Variants in CCN2 observed in about 807,000 individuals in gnomAD.
CCN2 encodes cellular communication network factor 2.
A neutral mutation model predicts 33.2 loss-of-function variants in CCN2; 22 were observed. The observed-to-expected ratio is 0.66, with a 90% CI of 0.47 to 0.95. The LOEUF (loss-of-function observed/expected upper bound fraction) is 0.95, where lower values mean the gene tolerates loss of function less well. Among genes scored for constraint, CCN2 ranks in the 40% least tolerant of loss-of-function variants. CCN2 has a pLI of 0.00. For synonymous variants in CCN2, 178 were observed against 200.6 expected, an observed-to-expected ratio of 0.89 and a Z score of 0.95; for missense variants, 469 against 498.8, an observed-to-expected ratio of 0.94 and a Z score of 0.57.
In CCN2 at chr6:131,950,149, C is replaced by G; in HGVS notation, c.553G>C (p.Glu185Gln). 7 of 1,614,242 alleles carry G rather than the reference C, an allele frequency of 4.3e-6. No individual in the cohort carries two copies. Among genetic ancestry groups the G allele is most frequent in the Non-Finnish European group, 5.1e-6 (6 of 1,180,046 alleles). The change falls in exon 4 of 5, where the codon GAA (glutamate) becomes CAA (glutamine). Residue 185 changes from glutamate to glutamine, a missense_variant. By Grantham distance (29) the Glu-to-Gln change is conservative. Coordinates refer to ENST00000367976, the MANE Select transcript of CCN2 (RefSeq NM_001901.4). The surrounding 1 kb of genome is among the most constrained non-coding windows in gnomAD (Gnocchi z 7.1). ...VGPALAAYRL[E>Q]DTFGPDPTMI... ...GTTGGGTCTGGGCCAAACGTGTCTT[C>G]CAGTCGGTAAGCTGCGAGAGCAGAG...
intron 1 of CCN2, 40 bp downstream of exon 1, chr6:131,951,067 C>G: frequency 1.6e-6 from 2 of 1,288,418 alleles, no homozygotes; most frequent in Non-Finnish European, 2.0e-6. Context: ...GAGTCCCTCC[C>G]TGGCAGCCGC....
Position 131,950,854 on chromosome 6 carries a change from T to C in CCN2, c.205A>G (p.Thr69Ala), listed in dbSNP as rs1783097596. Reference protein sequence around the residue: ...VCAKQLGELCTERDPCDPHKG... With the variant: ...VCAKQLGELCAERDPCDPHKG... ...TGCGGGTCGCATGGGTCGCGCTCGGTGCACAGCTCGCCCAGCTGCTTGGCG... is the reference window on the plus strand; with the variant it reads ...TGCGGGTCGCATGGGTCGCGCTCGGCGCACAGCTCGCCCAGCTGCTTGGCG... The change falls in exon 2 of 5, where the codon ACC becomes GCC. Residue 69 changes from threonine (T) to alanine (A), a missense_variant. By Grantham distance (58) the Thr-to-Ala change is moderately conservative. Coordinates refer to ENST00000367976, the MANE Select transcript of CCN2 (RefSeq NM_001901.4). The surrounding 1 kb of genome is among the most constrained non-coding windows in gnomAD (Gnocchi z 7.1). 6.5e-7 allele frequency: 1 copy of C among 1,535,112 alleles called. No homozygotes were observed. The highest frequency in any genetic ancestry group is 8.7e-7 in the Non-Finnish European group (1 of 1,147,572).
rs1783105724 is a variant in CCN2 at position 131,951,190 on chromosome 6, G to A, written c.-18C>T. 7.7e-7 allele frequency: 1 copy of A among 1,304,660 alleles called. No individual in the cohort carries two copies. The highest frequency in any genetic ancestry group is 3.4e-5 in the Admixed American group (1 of 29,252). 80.8% of individuals were successfully genotyped at this position (1,304,660 alleles called of 1,614,324 possible). A position where few individuals can be genotyped will look rare whatever the true frequency, so the allele number is the denominator to read the frequency against. On this transcript the variant is annotated 5_prime_UTR_variant, in exon 1 of 5. Coordinates refer to ENST00000367976, the MANE Select transcript of CCN2 (RefSeq NM_001901.4). Reference sequence around the variant, plus strand: ...GCGGTCATGGTTGGCACTGCGGGCGGAGCGGAGGGCGCGGTGGCGGCGAGC... The same window carrying A: ...GCGGTCATGGTTGGCACTGCGGGCGAAGCGGAGGGCGCGGTGGCGGCGAGC...
chr6:131,948,684 A>T lies in CCN2; in HGVS notation c.*580T>A, dbSNP rs1250599027. On this transcript the variant is annotated 3_prime_UTR_variant, in exon 5 of 5. Coordinates refer to ENST00000367976, the MANE Select transcript of CCN2 (RefSeq NM_001901.4). Reference sequence around the variant, plus strand: ...ACACAATATTTACAATATAAATTTTAAAAAATCTGGCTTGTTACAGGCAAA... The same window carrying T: ...ACACAATATTTACAATATAAATTTTTAAAAATCTGGCTTGTTACAGGCAAA... 2 of 157,408 alleles carry T rather than the reference A, an allele frequency of 1.3e-5. No homozygotes were observed. Among genetic ancestry groups the T allele is most frequent in the Admixed American group, 6.0e-5 (1 of 16,626 alleles). 9.8% of individuals were successfully genotyped at this position (157,408 alleles called of 1,614,324 possible). A position where few individuals can be genotyped will look rare whatever the true frequency, so the allele number is the denominator to read the frequency against.
chr6:131,949,897 C>G, intron 4 of CCN2, 52 bp downstream of exon 4: 2 of 1,568,444 alleles, frequency 1.3e-6, no homozygotes, highest in South Asian at 1.1e-5. Flanking sequence ...TAAGTTGGGT[C>G]CTATCCACTG....
At chr6:131,949,903 C>T (rs776817797) in intron 4 of CCN2, 46 bp downstream of exon 4, 2 of 1,580,870 alleles carry the variant, frequency 1.3e-6, no homozygotes, top group Non-Finnish European at 1.7e-6. Context: ...GGGTCCTATC[C>T]ACTGTTTTTC....
In CCN2 at chr6:131,951,193, C is replaced by A; in HGVS notation, c.-21G>T. On this transcript the variant is annotated 5_prime_UTR_variant, in exon 1 of 5. Transcript: ENST00000367976. Reference sequence around the variant, plus strand: ...GTCATGGTTGGCACTGCGGGCGGAGCGGAGGGCGCGGTGGCGGCGAGCGGG... The same window carrying A: ...GTCATGGTTGGCACTGCGGGCGGAGAGGAGGGCGCGGTGGCGGCGAGCGGG... The A allele has an allele frequency of 1.5e-6, 2 of 1,295,996 alleles. No homozygotes were observed. Among genetic ancestry groups the A allele is most frequent in the African/African-American group, 1.5e-5 (1 of 65,324 alleles). The allele number at this position is 1,295,996 out of a possible 1,614,324, so 80.3% of individuals were successfully genotyped here.
chr6:131,950,626 G>A lies in CCN2; in HGVS notation c.290-83C>T. ...CTCTCACATCCAGAGCGTCAGGGAT[G>A]CGAGTTGGGATCTGGGCTGCAGGGG... is the stretch of plus-strand genomic sequence containing the variant. On this transcript the variant is annotated intron_variant, in intron 2 of 4. Transcript: ENST00000367976. This position sits in a 1 kb window ranked among gnomAD's most constrained non-coding sequence, Gnocchi z 7.1. 1.9e-6 allele frequency: 3 copies of A among 1,562,862 alleles called. No individual in the cohort carries two copies. The East Asian group carries it at 6.8e-5, about 35-fold the overall frequency.
rs1783104421 is a variant in CCN2 at position 131,951,125 on chromosome 6, G to A, written c.48C>T (p.Leu16=). 2.2e-6 allele frequency: 3 copies of A among 1,346,078 alleles called. No individual in the cohort carries two copies. Among genetic ancestry groups the A allele is most frequent in the Non-Finnish European group, 2.9e-6 (3 of 1,046,498 alleles). The allele number at this position is 1,346,078 out of a possible 1,614,324, so 83.4% of individuals were successfully genotyped here. The change falls in exon 1 of 5, where the codon CTC becomes CTT. Residue 16 remains leucine (L), a synonymous_variant. Coordinates refer to ENST00000367976, the MANE Select transcript of CCN2 (RefSeq NM_001901.4). ...CGCTTACCCGGCTGCAGAGGGCGAG[G>A]AGGACCACGAAGGCGACGCGGACGG... ...MGPVRVAFVV[L]LALCSRPAVG...
Position 131,951,273 on chromosome 6 carries a change from C to A in CCN2, c.-101G>T, listed in dbSNP as rs1341212703. 5 of 1,059,642 alleles carry A rather than the reference C, an allele frequency of 4.7e-6. No homozygotes were observed. Among genetic ancestry groups the A allele is most frequent in the Admixed American group, 4.4e-5 (1 of 22,658 alleles). 65.6% of individuals were successfully genotyped at this position (1,059,642 alleles called of 1,614,324 possible). A position where few individuals can be genotyped will look rare whatever the true frequency, so the allele number is the denominator to read the frequency against. On this transcript the variant is annotated 5_prime_UTR_variant, in exon 1 of 5. Transcript: ENST00000367976. ...GTCGGAGGTGGGGACCGGGACGCGC[C>A]GGGCTGTCGTCTCGGGGCTGTCGGC... is the stretch of plus-strand genomic sequence containing the variant.
At position 131,949,954 on chromosome 6, in the gene CCN2, T is replaced by C; in HGVS notation, c.748A>G (p.Ile250Val). ...AATAGGAGCAGAACATGTACCTTAA[T>C]GTTCTCTTCCAGGTCAGCTTCGCAA... Reference protein sequence around the residue: ...RPCEADLEENIKKGKKCIRTP... With the variant: ...RPCEADLEENVKKGKKCIRTP... Residue 250 changes from isoleucine (I) to valine (V), a missense_variant, in exon 4 of 5, where the codon ATT (isoleucine) becomes GTT (valine). By Grantham distance (29) the Ile-to-Val change is conservative (BLOSUM62 3). Transcript: ENST00000367976. The C allele has an allele frequency of 1.2e-6, 2 of 1,614,088 alleles. No homozygotes were observed. Among genetic ancestry groups the C allele is most frequent in the South Asian group, 1.1e-5 (1 of 91,076 alleles).
At chr6:131,949,916 G>A in intron 4 of CCN2, 33 bp downstream of exon 4, 1 of 1,602,878 alleles carries the variant, frequency 6.2e-7, no homozygotes, top group Non-Finnish European at 8.5e-7. Context: ...TGTTTTTCCT[G>A]TGAAAAATAG....
intron 1 of CCN2, 25 bp from the exon 2 acceptor site, chr6:131,951,017 C>A (rs1020802955): frequency 5.5e-6 from 7 of 1,263,120 alleles, no homozygotes; most frequent in Non-Finnish European, 6.9e-6. Flanking sequence ...GGGCGGTCAG[C>A]GGCGCTCGGT....
rs1009171575 is a variant in CCN2, at chr6:131,948,614, C to T, written c.*650G>A. The T allele has an allele frequency of 1.3e-5, 2 of 151,826 alleles. No individual in the cohort carries two copies. The highest frequency in any genetic ancestry group is 2.9e-5 in the Non-Finnish European group (2 of 67,932). 9.4% of individuals were successfully genotyped at this position (151,826 alleles called of 1,614,324 possible). A position where few individuals can be genotyped will look rare whatever the true frequency, so the allele number is the denominator to read the frequency against. On this transcript the variant is annotated 3_prime_UTR_variant, in exon 5 of 5. Coordinates refer to ENST00000367976, the MANE Select transcript of CCN2 (RefSeq NM_001901.4). ...AAAGGCACAAACAACTTTAAATTAA[C>T]TTAGATAACTGTACATATATATATA...
Position 131,949,356 on chromosome 6 carries a change from T to C in CCN2, c.958A>G (p.Ile320Val). 2 of 1,614,172 alleles carry C rather than the reference T, an allele frequency of 1.2e-6. No homozygotes were observed. Among genetic ancestry groups the C allele is most frequent in the South Asian group, 2.2e-5 (2 of 91,088 alleles). ...GEVMKKNMMF[I>V]KTCACHYNCP... is the part of the protein sequence containing the mutation. The stretch of plus-strand genomic sequence containing the variant: ...TTGTAATGGCAGGCACAGGTCTTGA[T>C]GAACATCATGTTCTTCTTCATGACC... Residue 320 changes from isoleucine to valine, a missense_variant, in exon 5 of 5, where the codon ATC (isoleucine) becomes GTC (valine). By Grantham distance (29) the Ile-to-Val change is conservative. Transcript: ENST00000367976.
Position 131,950,959 on chromosome 6 carries a change from G to C in CCN2, c.100C>G (p.Arg34Gly), listed in dbSNP as rs1355434067. ...CGCGGCGCCGGCTCGTCCGGGCACC[G>C]GCACGGCCCGCTGCAGTTCTGGCCG... ...AVGQNCSGPC[R>G]CPDEPAPRCP... is the part of the protein sequence containing the mutation. Residue 34 changes from arginine to glycine, a missense_variant, in exon 2 of 5, where the codon CGG becomes GGG. Arg to Gly is a moderately radical substitution (Grantham distance 125). Transcript: ENST00000367976. The surrounding 1 kb of genome is among the most constrained non-coding windows in gnomAD (Gnocchi z 7.1). The C allele has an allele frequency of 2.8e-5, 39 of 1,374,570 alleles. No homozygotes were observed. The highest frequency in any genetic ancestry group is 3.6e-5 in the Non-Finnish European group (39 of 1,075,172). The allele number at this position is 1,374,570 out of a possible 1,614,324, so 85.1% of individuals were successfully genotyped here. A position where few individuals can be genotyped will look rare whatever the true frequency, so the allele number is the denominator to read the frequency against.
At position 131,950,966 on chromosome 6, in the gene CCN2, C is replaced by A; in HGVS notation, c.93G>T (p.Gly31=). Residue 31 remains glycine (G), a synonymous_variant, in exon 2 of 5, where the codon GGG becomes GGT. Coordinates refer to ENST00000367976, the MANE Select transcript of CCN2 (RefSeq NM_001901.4). This position sits in a 1 kb window ranked among gnomAD's most constrained non-coding sequence, Gnocchi z 7.1. ...CCGGCTCGTCCGGGCACCGGCACGGCCCGCTGCAGTTCTGGCCGACGGCCG... is the reference window on the plus strand; with the variant it reads ...CCGGCTCGTCCGGGCACCGGCACGGACCGCTGCAGTTCTGGCCGACGGCCG... ...SRPAVGQNCS[G]PCRCPDEPAP... 7.3e-7 allele frequency: 1 copy of A among 1,365,718 alleles called. No individual in the cohort carries two copies. The highest frequency in any genetic ancestry group is 9.3e-7 in the Non-Finnish European group (1 of 1,070,576). 84.6% of individuals were successfully genotyped at this position (1,365,718 alleles called of 1,614,324 possible).
chr6:131,950,329 C>T lies in CCN2; in HGVS notation c.504G>A (p.Glu168=). ...GCCCAACCACGGTTTGGTCCTTGGG[C>T]TCGTCACACACCCACTCCTCGCAGC... ...GKCCEEWVCD[E]PKDQTVVGPA... is the part of the protein sequence containing the mutation. Residue 168 remains glutamate, a synonymous_variant, in exon 3 of 5, where the codon GAG becomes GAA. Coordinates refer to ENST00000367976, the MANE Select transcript of CCN2 (RefSeq NM_001901.4). The surrounding 1 kb of genome is among the most constrained non-coding windows in gnomAD (Gnocchi z 7.1). 1.2e-6 allele frequency: 2 copies of T among 1,614,154 alleles called. No individual in the cohort carries two copies. The highest frequency in any genetic ancestry group is 8.5e-7 in the Non-Finnish European group (1 of 1,180,034).
At chr6:131,951,048 GC>G (rs1316423483) in intron 1 of CCN2, 56 bp from the exon 2 acceptor site, 1 of 1,264,964 alleles carries the variant, frequency 7.9e-7, no homozygotes, top group Admixed American at 4.2e-5. Flanking sequence ...GCCCTCCCCG[GC>G]CGGCCCCGAG....
Sources: gnomAD v4.1 joint callset for allele counts on GRCh38, gnomAD v4.1.1 for gene constraint, Gnocchi (gnomAD v3.1) non-coding constraint, MANE v1.5 for transcripts, NCBI Gene and HGNC (gene_info 2026-07-23, HGNC 2026-07-21) for gene names.